The following PCDH9 variants were observed in gnomAD, a reference collection of about 807,000 sequenced individuals.
The protein encoded by PCDH9 is protocadherin-9.
In PCDH9, 24 loss-of-function variants were observed where a neutral mutation model predicts 70.6. The ratio of observed to expected loss-of-function variants is 0.34; its 90% CI spans 0.25 to 0.48. The LOEUF is 0.48. Ranked by LOEUF, PCDH9 falls within the 20% of genes least tolerant of loss-of-function variation. PCDH9 has a pLI of 0.99. For synonymous variants in PCDH9, 562 were observed against 558.5 expected, an observed-to-expected ratio of 1.01 and a Z score of -0.09; for missense variants, 1,281 against 1,503.6, an observed-to-expected ratio of 0.85 and a Z score of 2.45.
intron 2 of PCDH9, among the ~76,000 whole-genome samples, chr13:67,115,684 T>C (rs2086750884): frequency 6.6e-6 from 1 of 152,218 alleles, no homozygotes; most frequent in Non-Finnish European, 1.5e-5. Context: ...CCTCTGGATA[T>C]TGACCAGTTT....
chr13:66,728,092 AT>A (rs1302142951), intron 3 of PCDH9, among the ~76,000 whole-genome samples: 7 of 152,134 alleles, frequency 4.6e-5, no homozygotes, highest in Non-Finnish European at 1.0e-4. Context: ...CATAATCTCT[AT>A]TTTTCATAAT....
intron 2 of PCDH9, chr13:67,223,407 T>C (rs959796131): frequency 1.3e-5 from 2 of 152,202 alleles, no homozygotes; most frequent in East Asian, 1.9e-4. Flanking sequence ...AGTATATCAG[T>C]ACATTTCTTT....
At chr13:66,871,329 G>A (rs2081679425) in intron 3 of PCDH9, among the ~76,000 whole-genome samples, 4 of 151,148 alleles carry the variant, frequency 2.6e-5, no homozygotes, top group Admixed American at 2.0e-4. Flanking sequence ...CATGGCACAT[G>A]TATACATATG....
At chr13:66,751,755 G>A (rs937200038) in intron 3 of PCDH9, among the ~76,000 whole-genome samples, 1 of 152,060 alleles carries the variant, frequency 6.6e-6, no homozygotes, top group Admixed American at 6.6e-5. Flanking sequence ...TTTTAATTTT[G>A]GTTAATTTTT....
chr13:66,831,348 C>G (rs996408771), intron 3 of PCDH9, among the ~76,000 whole-genome samples: 1 of 152,130 alleles, frequency 6.6e-6, no homozygotes, highest in African/African-American at 2.4e-5. Context: ...CTTCTGGACA[C>G]CAATCTTTCC....
chr13:66,307,640 A>T (rs1955491305), intron 4 of PCDH9, among the ~76,000 whole-genome samples: 2 of 152,084 alleles, frequency 1.3e-5, no homozygotes, highest in African/African-American at 4.8e-5. Flanking sequence ...CGTCATTAAT[A>T]AGTTTTTTAT....
intron 2 of PCDH9, among the ~76,000 whole-genome samples, chr13:66,974,730 A>G (rs1254877958): frequency 6.6e-6 from 1 of 152,082 alleles, no homozygotes; most frequent in African/African-American, 2.4e-5. Flanking sequence ...CATTTTAGAA[A>G]CAAATCCCAT....
At chr13:66,810,144 T>C (rs1314438593) in intron 3 of PCDH9, among the ~76,000 whole-genome samples, 1 of 152,164 alleles carries the variant, frequency 6.6e-6, no homozygotes, top group Non-Finnish European at 1.5e-5. Context: ...AGCATTCATA[T>C]TTTATAATCA....
chr13:66,472,211 C>CAAAAAAAAAAAAAAAAAA (rs34935198), intron 4 of PCDH9, among the ~76,000 whole-genome samples: 1 of 112,320 alleles, frequency 8.9e-6, no homozygotes, highest in Admixed American at 9.5e-5. Flanking sequence ...GACTCCATCT[C>CAAAAAAAAAAAAAAAAAA]AAAAAAAAAA....
chr13:66,996,099 C>A (rs1411032308), intron 2 of PCDH9: 2 of 152,100 alleles, frequency 1.3e-5, no homozygotes, highest in African/African-American at 4.8e-5. Context: ...GGAAAATGTT[C>A]TGTCTTATCT....
At chr13:67,109,777 T>G (rs2086618907) in intron 2 of PCDH9, among the ~76,000 whole-genome samples, 1 of 152,182 alleles carries the variant, frequency 6.6e-6, no homozygotes. Context: ...GTTGTTATAT[T>G]TCTTCTCTTT....
chr13:66,442,976 G>T (rs999902508), intron 4 of PCDH9, among the ~76,000 whole-genome samples: 3 of 152,146 alleles, frequency 2.0e-5, no homozygotes, highest in Non-Finnish European at 4.4e-5. Context: ...TTACACAGCT[G>T]CAGAAACTAA....
At chr13:66,503,331 T>G (rs1379823418) in intron 4 of PCDH9, among the ~76,000 whole-genome samples, 2 of 152,096 alleles carry the variant, frequency 1.3e-5, no homozygotes, top group African/African-American at 4.8e-5. Context: ...AGGGCCTGTT[T>G]AAAATACGTA....
intron 2 of PCDH9, among the ~76,000 whole-genome samples, chr13:67,002,169 G>T (rs149857742): frequency 1.1e-4 from 16 of 152,126 alleles, no homozygotes; most frequent in African/African-American, 3.9e-4. Flanking sequence ...ACCATTAATT[G>T]TTAAAATATA....
intron 3 of PCDH9, among the ~76,000 whole-genome samples, chr13:66,760,549 C>A (rs2139247792): frequency 6.6e-6 from 1 of 152,236 alleles, no homozygotes; most frequent in Non-Finnish European, 1.5e-5. Context: ...ATGTATGTCA[C>A]CTCAGGACCC....
chr13:66,691,935 A>G (rs2078493610), intron 3 of PCDH9, among the ~76,000 whole-genome samples: 1 of 152,174 alleles, frequency 6.6e-6, no homozygotes, highest in African/African-American at 2.4e-5. Flanking sequence ...CCTGGGCAAT[A>G]TCTGTTACAC....
chr13:66,708,517 G>A (rs2078748081), intron 3 of PCDH9, among the ~76,000 whole-genome samples: 1 of 151,472 alleles, frequency 6.6e-6, no homozygotes, highest in Admixed American at 6.6e-5. Context: ...TTACATTCAG[G>A]AAAATGTAGA....
chr13:66,892,152 T>C (rs1326492876), intron 3 of PCDH9, among the ~76,000 whole-genome samples: 1 of 149,644 alleles, frequency 6.7e-6, no homozygotes, highest in Non-Finnish European at 1.5e-5. Context: ...TTACATTACG[T>C]GTGTGTGTGT....
At chr13:67,164,893 T>G (rs191620322) in intron 2 of PCDH9, among the ~76,000 whole-genome samples, 2 of 152,268 alleles carry the variant, frequency 1.3e-5, no homozygotes, top group Non-Finnish European at 2.9e-5. Flanking sequence ...ATTATTCTGT[T>G]TGTGTTTCTA....
Sources: gnomAD v4.1 joint callset for allele counts (sites outside exome capture counted in the v4.1 genomes callset) on GRCh38, gnomAD v4.1.1 for gene constraint, MANE v1.5 for transcripts, NCBI Gene and HGNC (gene_info 2026-07-23, HGNC 2026-07-21) for gene names.